Variants in HOXB6 observed in about 807,000 individuals in gnomAD.
HOXB6 encodes homeobox protein Hox-B6.
In HOXB6, 18 loss-of-function variants were observed where a neutral mutation model predicts 24.2. That is an observed-to-expected ratio of 0.74 (90% CI 0.51 to 1.10). The LOEUF (loss-of-function observed/expected upper bound fraction) is 1.10, where lower values mean the gene tolerates loss of function less well. Ranked by LOEUF, HOXB6 falls within the 50% of genes least tolerant of loss-of-function variation. HOXB6 has a pLI of 0.00. For synonymous variants in HOXB6, 159 were observed against 139.1 expected, an observed-to-expected ratio of 1.14 and a Z score of -1.01; for missense variants, 332 against 308.3, an observed-to-expected ratio of 1.08 and a Z score of -0.58.
chr17:48,600,605 G>A (rs2070437141), intron 2 of HOXB6: 1 of 450,544 alleles, frequency 2.2e-6, no homozygotes, highest in African/African-American at 2.0e-5. Flanking sequence ...AGGCGGGCAG[G>A]GCAGGCCAGA....
chr17:48,600,575 G>A (rs1277891075), intron 2 of HOXB6: 3 of 453,776 alleles, frequency 6.6e-6, no homozygotes, highest in Non-Finnish European at 1.3e-5. Flanking sequence ...CGTCTGATCC[G>A]TTTGTTTGGG....
rs375898463 is a variant in HOXB6 at position 48,595,787 on chromosome 17, G to GTTGTTATTA, written c.*625_*626insTAATAACAA. The GTTGTTATTA allele has an allele frequency of 2.0e-4, 34 of 172,464 alleles. No homozygotes were observed. Among genetic ancestry groups the GTTGTTATTA allele is most frequent in the African/African-American group, 2.3e-4 (9 of 38,766 alleles). 10.7% of individuals were successfully genotyped at this position (172,464 alleles called of 1,614,324 possible). On this transcript the variant is annotated 3_prime_UTR_variant, in exon 4 of 4. Transcript: ENST00000225648. ...CATCTTTATTATTGTTGTTGTTGTT[G>GTTGTTATTA]TTATTATTATTATTATTATCATCAT...
chr17:48,601,617 C>G (rs1337204284), intron 2 of HOXB6: 2 of 154,984 alleles, frequency 1.3e-5, no homozygotes, highest in African/African-American at 2.4e-5. Flanking sequence ...AAAGTCACCT[C>G]GCCGCAGGAA....
intron 2 of HOXB6, chr17:48,600,498 C>T (rs1453463165): frequency 2.9e-5 from 13 of 455,770 alleles, no homozygotes; most frequent in South Asian, 4.6e-5. Flanking sequence ...CGCCTGGAGT[C>T]GGGCATGAAA....
Position 48,595,790 on chromosome 17 carries a change from A to ATTATTAT in HOXB6, c.*616_*622dup, listed in dbSNP as rs1276971181. On this transcript the variant is annotated 3_prime_UTR_variant, in exon 4 of 4. Coordinates refer to ENST00000225648, the MANE Select transcript of HOXB6 (RefSeq NM_018952.5). ...CTTTATTATTGTTGTTGTTGTTGTT[A>ATTATTAT]TTATTATTATTATTATCATCATCAT... 5.4e-6 allele frequency: 1 copy of ATTATTAT among 183,710 alleles called. No homozygotes were observed. Among genetic ancestry groups the ATTATTAT allele is most frequent in the African/African-American group, 2.5e-5 (1 of 40,730 alleles). 11.4% of individuals were successfully genotyped at this position (183,710 alleles called of 1,614,324 possible). A position where few individuals can be genotyped will look rare whatever the true frequency, so the allele number is the denominator to read the frequency against.
chr17:48,596,286 G>A lies in HOXB6; in HGVS notation c.*127C>T, dbSNP rs984355976. On this transcript the variant is annotated 3_prime_UTR_variant, in exon 4 of 4. Coordinates refer to ENST00000225648, the MANE Select transcript of HOXB6 (RefSeq NM_018952.5). The surrounding 1 kb of genome is among the most constrained non-coding windows in gnomAD (Gnocchi z 4.8). ...GGCGTCCAGGAGAGCGCTGGGCCCC[G>A]CCTGTCTGCGCCGGAGAGCAGGTCT... 7.6e-6 allele frequency: 11 copies of A among 1,446,500 alleles called. No homozygotes were observed. The highest frequency in any genetic ancestry group is 9.7e-6 in the Non-Finnish European group (10 of 1,035,796). The allele number at this position is 1,446,500 out of a possible 1,614,324, so 89.6% of individuals were successfully genotyped here.
At chr17:48,602,972 G>A (rs2144982395) in intron 2 of HOXB6, among the ~76,000 whole-genome samples, 1 of 152,336 alleles carries the variant, frequency 6.6e-6, no homozygotes, top group African/African-American at 2.4e-5. Context: ...CCTGAACCTA[G>A]GGCATCTACC....
rs1167536683 is a variant in HOXB6, at chr17:48,597,772, C to G, written c.379G>C (p.Val127Leu). 6.2e-7 allele frequency: 1 copy of G among 1,612,840 alleles called. No individual in the cohort carries two copies. Among genetic ancestry groups the G allele is most frequent in the Non-Finnish European group, 8.5e-7 (1 of 1,179,556 alleles). Residue 127 changes from valine to leucine, a missense_variant, in exon 3 of 4, where the codon GTC (valine) becomes CTC (leucine). By Grantham distance (32) the Val-to-Leu change is conservative. Transcript: ENST00000225648. ...TTCATCCGCTGCATCCACGGGTAGACCGGAGTGGAGCACTTCTGCTCTTCT... is the reference window on the plus strand; with the variant it reads ...TTCATCCGCTGCATCCACGGGTAGAGCGGAGTGGAGCACTTCTGCTCTTCT... ...ETEEQKCSTP[V>L]YPWMQRMNSC...
Position 48,596,321 on chromosome 17 carries a change from C to G in HOXB6, c.*92G>C, listed in dbSNP as rs1300116006. On this transcript the variant is annotated 3_prime_UTR_variant, in exon 4 of 4. Coordinates refer to ENST00000225648, the MANE Select transcript of HOXB6 (RefSeq NM_018952.5). The surrounding 1 kb of genome is among the most constrained non-coding windows in gnomAD (Gnocchi z 4.8). ...GCCGGAGAGCAGGTCTCCTGGCTCC[C>G]CCACCCGAGAGCCTTCCTTCCCGGG... 6.3e-7 allele frequency: 1 copy of G among 1,589,138 alleles called. No homozygotes were observed. The highest frequency in any genetic ancestry group is 1.1e-5 in the South Asian group (1 of 90,272).
At chr17:48,598,998 C>A (rs1177698515) in intron 2 of HOXB6, among the ~76,000 whole-genome samples, 1 of 152,170 alleles carries the variant, frequency 6.6e-6, no homozygotes, top group East Asian at 1.9e-4. Flanking sequence ...AGACTAGGAG[C>A]TTCTTGGAAG....
intron 1 of HOXB6, 24 bp downstream of exon 1, chr17:48,604,838 G>A (rs1417726111): frequency 7.0e-6 from 1 of 142,920 alleles, no homozygotes; most frequent in Non-Finnish European, 1.5e-5. Context: ...TCTCCCTCTC[G>A]CGCTCTCTCT....
Position 48,595,966 on chromosome 17 carries a change from G to C in HOXB6, c.*447C>G, listed in dbSNP as rs1055440918. On this transcript the variant is annotated 3_prime_UTR_variant, in exon 4 of 4. Transcript: ENST00000225648. The stretch of plus-strand genomic sequence containing the variant: ...TATGTGCTCCTTCCAGTGGCTTTGG[G>C]GAGGGGGTGGGAGAGACGACAGGTC... 1 of 436,266 alleles carries C rather than the reference G, an allele frequency of 2.3e-6. No homozygotes were observed. Among genetic ancestry groups the C allele is most frequent in the Non-Finnish European group, 4.7e-6 (1 of 215,050 alleles). The allele number at this position is 436,266 out of a possible 1,614,324, so 27.0% of individuals were successfully genotyped here. A position where few individuals can be genotyped will look rare whatever the true frequency, so the allele number is the denominator to read the frequency against.
At position 48,597,820 on chromosome 17, in the gene HOXB6, C is replaced by A. The variant is rs1167887206; in HGVS notation, c.331G>T (p.Asp111Tyr). 1 of 1,607,336 alleles carries A rather than the reference C, an allele frequency of 6.2e-7. No individual in the cohort carries two copies. The highest frequency in any genetic ancestry group is 1.7e-5 in the Admixed American group (1 of 59,486). ...PEPRKSDCAQ[D>Y]KSVFGETEEQ... ...TCTGTCTCGCCGAACACGCTCTTGT[C>A]CTGCGCGCAGTCCGACTTCCGCGGC... is the stretch of plus-strand genomic sequence containing the variant. The change falls in exon 3 of 4, where the codon GAC becomes TAC. Residue 111 changes from aspartate to tyrosine, a missense_variant. By Grantham distance (160) the Asp-to-Tyr change is radical (BLOSUM62 -3). Coordinates refer to ENST00000225648, the MANE Select transcript of HOXB6 (RefSeq NM_018952.5).
chr17:48,597,485 GGC>G (rs1266028296), intron 3 of HOXB6, among the ~76,000 whole-genome samples: 1 of 152,182 alleles, frequency 6.6e-6, no homozygotes, highest in Non-Finnish European at 1.5e-5. Context: ...GCTCTGGCCA[GGC>G]GCCCCAGGAG....
rs1555644180 is a variant in HOXB6 at position 48,595,784 on chromosome 17, G to GTTATTA, written c.*628_*629insTAATAA. The GTTATTA allele has an allele frequency of 2.5e-4, 45 of 183,074 alleles. No homozygotes were observed. The highest frequency in any genetic ancestry group is 1.1e-3 in the African/African-American group (39 of 34,870). 11.3% of individuals were successfully genotyped at this position (183,074 alleles called of 1,614,324 possible). ...TCACATCTTTATTATTGTTGTTGTT[G>GTTATTA]TTGTTATTATTATTATTATTATCAT... On this transcript the variant is annotated 3_prime_UTR_variant, in exon 4 of 4. Coordinates refer to ENST00000225648, the MANE Select transcript of HOXB6 (RefSeq NM_018952.5).
chr17:48,602,205 A>G (rs2070484138), intron 2 of HOXB6: 2 of 456,052 alleles, frequency 4.4e-6, no homozygotes, highest in African/African-American at 2.0e-5. Flanking sequence ...GGCAAAACCC[A>G]CTAACCAACC....
chr17:48,596,140 G>T lies in HOXB6; in HGVS notation c.*273C>A, dbSNP rs534019971. 9.4e-5 allele frequency: 62 copies of T among 659,112 alleles called. No individual in the cohort carries two copies. The East Asian group carries it at 1.8e-3, about 19-fold the overall frequency. 40.8% of individuals were successfully genotyped at this position (659,112 alleles called of 1,614,324 possible). ...AAACATCAAGTGAGTCCGCTCCTCA[G>T]TTCTCACCAGGAAGCCTGATCAGGC... On this transcript the variant is annotated 3_prime_UTR_variant, in exon 4 of 4. Coordinates refer to ENST00000225648, the MANE Select transcript of HOXB6 (RefSeq NM_018952.5). The surrounding 1 kb of genome is among the most constrained non-coding windows in gnomAD (Gnocchi z 4.8).
intron 2 of HOXB6, chr17:48,604,242 G>C (rs4646993): frequency 0.2 from 30,756 of 151,852 alleles, 3,364 homozygotes; most frequent in African/African-American, 0.28. Flanking sequence ...ACTTAGAGCT[G>C]GTCTCCTGGC....
intron 2 of HOXB6, among the ~76,000 whole-genome samples, chr17:48,598,962 A>G (rs1247966992): frequency 6.6e-6 from 1 of 152,126 alleles, no homozygotes; most frequent in Non-Finnish European, 1.5e-5. Context: ...GACTGAGCCC[A>G]AGCTTCCCCT....
Sources: gnomAD v4.1 joint callset for allele counts (sites outside exome capture counted in the v4.1 genomes callset) on GRCh38, gnomAD v4.1.1 for gene constraint, Gnocchi (gnomAD v3.1) non-coding constraint, MANE v1.5 for transcripts, NCBI Gene and HGNC (gene_info 2026-07-23, HGNC 2026-07-21) for gene names.